Variants in RAB20 observed in about 807,000 individuals in gnomAD.
RAB20 encodes the protein RAB20, member RAS oncogene family, also known as ras-related protein Rab-20.
A neutral mutation model predicts 3.7 loss-of-function variants in RAB20; 2 were observed. The observed-to-expected ratio is 0.54, with a 90% confidence interval of 0.22 to 1.69. The LOEUF is 1.69. RAB20 is among the 40% of genes most tolerant of loss of function. The probability of loss-of-function intolerance (pLI) is 0.19; values close to 1 mark genes in which losing one functional copy is unlikely to be tolerated. For missense variants in RAB20, 276 were observed against 311.9 expected (o/e 0.88, Z 0.87); for synonymous variants, 126 against 130.8 (o/e 0.96, Z 0.25).
intron 1 of RAB20, among the ~76,000 whole-genome samples, chr13:110,547,482 A>G (rs1382425873): frequency 6.6e-6 from 1 of 152,240 alleles, no homozygotes; most frequent in Non-Finnish European, 1.5e-5. Context: ...ACGAAATAGA[A>G]CGTAGCCCGA....
Position 110,523,690 on chromosome 13 carries a change from C to T in RAB20, c.680G>A (p.Arg227Lys), listed in dbSNP as rs760425101. 1 of 1,614,056 alleles carries T rather than the reference C, an allele frequency of 6.2e-7. No individual in the cohort carries two copies. The highest frequency in any genetic ancestry group is 8.5e-7 in the Non-Finnish European group (1 of 1,179,942). ...TCAGGCACAACACCCAGATCTGGTCCTCTTGGGTGGCTTATGACTGGATAT... is the reference window on the plus strand; with the variant it reads ...TCAGGCACAACACCCAGATCTGGTCTTCTTGGGTGGCTTATGACTGGATAT... ...VDISSHKPPK[R>K]TRSGCCA is the part of the protein sequence containing the mutation. Residue 227 changes from arginine to lysine, a missense_variant, in exon 2 of 2, where the codon AGG becomes AAG. Transcript: ENST00000267328.
chr13:110,547,586 G>A lies in RAB20; in HGVS notation c.172+13762C>T, dbSNP rs976846201. On this transcript the variant is annotated intron_variant, in intron 1 of 1. Transcript: ENST00000267328. The stretch of plus-strand genomic sequence containing the variant: ...TTAGGATCCAAGTCACTTCTACGAA[G>A]GACACAGCAGGCTGGTGAGATTAAG... Among the ~76,000 whole-genome samples the A allele has an allele frequency of 1.3e-3, 201 of 152,264 alleles. 1 individual carries two copies. Among genetic ancestry groups the A allele is most frequent in the African/African-American group, 4.7e-3 (195 of 41,540 alleles).
intron 1 of RAB20, among the ~76,000 whole-genome samples, chr13:110,538,048 T>C (rs929648074): frequency 2.6e-5 from 4 of 152,134 alleles, no homozygotes; most frequent in Non-Finnish European, 4.4e-5. Flanking sequence ...GAGACCAGTC[T>C]GGGCAACATG....
chr13:110,527,029 G>A (rs1386727800), intron 1 of RAB20, among the ~76,000 whole-genome samples: 2 of 152,114 alleles, frequency 1.3e-5, no homozygotes, highest in African/African-American at 4.8e-5. Context: ...GGGCTTTGGA[G>A]CATGGACTGA....
intron 1 of RAB20, among the ~76,000 whole-genome samples, chr13:110,542,262 G>C (rs1366394125): frequency 6.6e-6 from 1 of 152,146 alleles, no homozygotes; most frequent in Non-Finnish European, 1.5e-5. Context: ...ATCATGAAAT[G>C]ATTACCCTAT....
At position 110,525,711 on chromosome 13, in the gene RAB20, G is replaced by A. The variant is rs924866134; in HGVS notation, c.173-1514C>T. ...AGCCCCCAGCAGGGAGGGCCGAGCC[G>A]AGCACGCCTGCTGGTATGTCCTCCC... is the stretch of plus-strand genomic sequence containing the variant. On this transcript the variant is annotated intron_variant, in intron 1 of 1. Coordinates refer to ENST00000267328, the MANE Select transcript of RAB20 (RefSeq NM_017817.3). 4.6e-5 allele frequency among the ~76,000 whole-genome samples: 7 copies of A among 152,354 alleles called. No homozygotes were observed. The East Asian group carries it at 7.7e-4, about 17-fold the overall frequency.
chr13:110,525,059 G>A (rs540131832), intron 1 of RAB20, among the ~76,000 whole-genome samples: 1 of 131,414 alleles, frequency 7.6e-6, no homozygotes, highest in African/African-American at 2.6e-5. Flanking sequence ...CTGTCACTGG[G>A]TCTGGCGGGG....
In RAB20 at chr13:110,561,511, C is replaced by T; in HGVS notation, c.9G>A (p.Lys3=). 5 of 1,571,140 alleles carry T rather than the reference C, an allele frequency of 3.2e-6. No individual in the cohort carries two copies. The highest frequency in any genetic ancestry group is 3.5e-6 in the Non-Finnish European group (4 of 1,159,194). ...CCAGGAGCACGATCTTGCTGTCGGG[C>T]TTCCTCATCTTCCCGTAAGAACCCC... is the stretch of plus-strand genomic sequence containing the variant. The part of the protein sequence containing the change: MR[K]PDSKIVLLGD... Residue 3 remains lysine, a synonymous_variant, in exon 1 of 2, where the codon AAG becomes AAA. Transcript: ENST00000267328.
intron 1 of RAB20, among the ~76,000 whole-genome samples, chr13:110,526,910 T>C (rs1884439072): frequency 1.3e-5 from 2 of 152,194 alleles, no homozygotes; most frequent in Admixed American, 1.3e-4. Flanking sequence ...TACCTTTGTA[T>C]GTGACTGCAC....
At chr13:110,556,456 C>G (rs1294471428) in intron 1 of RAB20, among the ~76,000 whole-genome samples, 1 of 152,224 alleles carries the variant, frequency 6.6e-6, no homozygotes, top group Non-Finnish European at 1.5e-5. Context: ...CAAGCTTTGA[C>G]TTTAGCCCAG....
At chr13:110,551,453 G>A (rs1272138471) in intron 1 of RAB20, among the ~76,000 whole-genome samples, 5 of 152,160 alleles carry the variant, frequency 3.3e-5, no homozygotes, top group African/African-American at 1.2e-4. Context: ...CAGATAAGAG[G>A]AGTGATAAGC....
At chr13:110,552,980 A>T (rs988291868) in intron 1 of RAB20, among the ~76,000 whole-genome samples, 4 of 152,222 alleles carry the variant, frequency 2.6e-5, no homozygotes, top group Non-Finnish European at 5.9e-5. Flanking sequence ...GTGCTCTGCA[A>T]TCTCCGAGTA....
In RAB20 at chr13:110,523,842, C is replaced by T. The variant is rs1566581462; in HGVS notation, c.528G>A (p.Glu176=). 1 of 1,614,114 alleles carries T rather than the reference C, an allele frequency of 6.2e-7. No homozygotes were observed. Among genetic ancestry groups the T allele is most frequent in the Non-Finnish European group, 8.5e-7 (1 of 1,180,054 alleles). Residue 176 remains glutamate, a synonymous_variant, in exon 2 of 2, where the codon GAG becomes GAA. Transcript: ENST00000267328. The stretch of plus-strand genomic sequence containing the variant: ...TGGCGCTGGTCTCAAAGCACATTTG[C>T]TCAGCGGCCGGCACATCCTGCTCAT... ...MLDEQDVPAA[E]QMCFETSAKT...
At chr13:110,544,775 G>T (rs1031779993) in intron 1 of RAB20, among the ~76,000 whole-genome samples, 4 of 152,222 alleles carry the variant, frequency 2.6e-5, no homozygotes, top group African/African-American at 9.6e-5. Flanking sequence ...GAGGGAAAGT[G>T]ACGCACCACA....
In RAB20 at chr13:110,539,066, A is replaced by AAG. The variant is rs1884707501; in HGVS notation, c.173-14871_173-14870dup. On this transcript the variant is annotated intron_variant, in intron 1 of 1. Coordinates refer to ENST00000267328, the MANE Select transcript of RAB20 (RefSeq NM_017817.3). ...TCAAGACAAATTAATCAATCACAGG[A>AAG]AGAAAGGAGGCGATTAGGTGACCTT... is the stretch of plus-strand genomic sequence containing the variant. Among the ~76,000 whole-genome samples, 5 of 152,182 alleles carry AAG rather than the reference A, an allele frequency of 3.3e-5. No homozygotes were observed. In the South Asian group the frequency reaches 1.0e-3, roughly 32 times the overall value.
chr13:110,532,797 G>C (rs1361124207), intron 1 of RAB20, among the ~76,000 whole-genome samples: 1 of 152,150 alleles, frequency 6.6e-6, no homozygotes, highest in Non-Finnish European at 1.5e-5. Context: ...TCCCAACTCA[G>C]CCTCCCGAGT....
chr13:110,534,217 G>A (rs993864834), intron 1 of RAB20, among the ~76,000 whole-genome samples: 5 of 152,198 alleles, frequency 3.3e-5, no homozygotes, highest in Admixed American at 2.6e-4. Flanking sequence ...TTCCAGACAC[G>A]AAGGAATTCA....
rs774307024 is a variant in RAB20 at position 110,524,071 on chromosome 13, T to C, written c.299A>G (p.Asp100Gly). ...AAAGAGGCAGTCTTTGCTGGCTGTG[T>C]CTGTCAGGCCCAGGAACCGGTCCTC... ...ELEDRFLGLT[D>G]TASKDCLFAI... Residue 100 changes from aspartate (D) to glycine (G), a missense_variant, in exon 2 of 2, where the codon GAC (aspartate) becomes GGC (glycine). Coordinates refer to ENST00000267328, the MANE Select transcript of RAB20 (RefSeq NM_017817.3). 8.7e-6 allele frequency: 14 copies of C among 1,613,820 alleles called. No homozygotes were observed. Among genetic ancestry groups the C allele is most frequent in the Non-Finnish European group, 1.2e-5 (14 of 1,180,028 alleles).
chr13:110,534,275 T>C (rs536334548), intron 1 of RAB20, among the ~76,000 whole-genome samples: 5 of 152,360 alleles, frequency 3.3e-5, no homozygotes, highest in South Asian at 2.1e-4. Flanking sequence ...ACACACCCTC[T>C]GTCAGGTCTG....
Sources: gnomAD v4.1 joint callset for allele counts (sites outside exome capture counted in the v4.1 genomes callset) on GRCh38, gnomAD v4.1.1 for gene constraint, MANE v1.5 for transcripts, NCBI Gene and HGNC (gene_info 2026-07-23, HGNC 2026-07-21) for gene names.